The following TRIM54 variants were observed in gnomAD, a reference collection of about 807,000 sequenced individuals.
The protein encoded by TRIM54 is tripartite motif-containing protein 54.
A neutral mutation model predicts 42.0 loss-of-function variants in TRIM54; 40 were observed. That is an observed-to-expected ratio of 0.95 (90% CI 0.74 to 1.24). TRIM54 has a LOEUF of 1.24. Among genes scored for constraint, TRIM54 ranks in the 50% most tolerant of loss-of-function variants. The pLI, the probability that TRIM54 is intolerant of heterozygous loss-of-function variation, is 0.00. For missense variants in TRIM54, 485 were observed against 480.3 expected (o/e 1.01, Z -0.09); for synonymous variants, 199 against 194.9 (o/e 1.02, Z -0.17).
intron 2 of TRIM54, 22 bp downstream of exon 2, chr2:27,298,761 CCT>C (rs1558587423): frequency 6.2e-7 from 1 of 1,610,736 alleles, no homozygotes; most frequent in South Asian, 1.1e-5. Context: ...GAGTCTCTTG[CCT>C]CTCTCATGAC....
At chr2:27,297,914 G>A (rs1243225767) in intron 1 of TRIM54, among the ~76,000 whole-genome samples, 5 of 150,198 alleles carry the variant, frequency 3.3e-5, no homozygotes, top group Admixed American at 6.6e-5. Context: ...CCAGGAGGTC[G>A]AGGCTGCGGT....
At chr2:27,298,880 A>G in intron 2 of TRIM54, 141 bp downstream of exon 2, 1 of 956,408 alleles carries the variant, frequency 1.0e-6, no homozygotes, top group Non-Finnish European at 1.5e-6. Context: ...CCGGAGAGGG[A>G]CTTGCCTCAG....
Position 27,291,190 on chromosome 2 carries a change from C to A in TRIM54, c.169-7377C>A, listed in dbSNP as rs561762814. 3.9e-4 allele frequency among the ~76,000 whole-genome samples: 59 copies of A among 152,160 alleles called. 1 individual carries two copies. The highest frequency in any genetic ancestry group is 1.3e-3 in the African/African-American group (55 of 41,508). Reference sequence around the variant, plus strand: ...CCAACATGGTGAAACCCTGTCTCTACTAAAATATAAAGAAATTAGCTGGGC... The same window carrying A: ...CCAACATGGTGAAACCCTGTCTCTAATAAAATATAAAGAAATTAGCTGGGC... On this transcript the variant is annotated intron_variant, in intron 1 of 8. Transcript: ENST00000380075.
chr2:27,287,764 A>G (rs1678616859), intron 1 of TRIM54, among the ~76,000 whole-genome samples: 1 of 152,350 alleles, frequency 6.6e-6, no homozygotes, highest in African/African-American at 2.4e-5. Flanking sequence ...CCTGGCCTCA[A>G]GCGATCCTCT....
At position 27,306,875 on chromosome 2, in the gene TRIM54, T is replaced by G; in HGVS notation, c.*2-12T>G. 1 of 421,518 alleles carries G rather than the reference T, an allele frequency of 2.4e-6. No individual in the cohort carries two copies. 26.1% of individuals were successfully genotyped at this position (421,518 alleles called of 1,614,324 possible). On this transcript the variant is annotated splice_polypyrimidine_tract_variant and intron_variant, in intron 8 of 8. Transcript: ENST00000380075. The surrounding 1 kb of genome is among the most constrained non-coding windows in gnomAD (Gnocchi z 6.1). Reference sequence around the variant, plus strand: ...CAGCACCCGCCCACCGAGCCTTCTTTCCCGGGCACAGGCCTGCGCCGACCC... The same window carrying G: ...CAGCACCCGCCCACCGAGCCTTCTTGCCCGGGCACAGGCCTGCGCCGACCC...
intron 1 of TRIM54, among the ~76,000 whole-genome samples, chr2:27,291,477 T>C (rs888976363): frequency 2.6e-5 from 4 of 152,226 alleles, no homozygotes; most frequent in African/African-American, 7.2e-5. Flanking sequence ...TTTCCTAATA[T>C]GCATTAGAAT....
intron 1 of TRIM54, among the ~76,000 whole-genome samples, chr2:27,288,525 A>G (rs1316969580): frequency 6.6e-6 from 1 of 152,186 alleles, no homozygotes; most frequent in Non-Finnish European, 1.5e-5. Flanking sequence ...AATTCCATTT[A>G]TTTGTTCCAT....
chr2:27,298,716 C>CA lies in TRIM54; in HGVS notation c.319dup (p.Ile107AsnfsTer15), dbSNP rs767826401. ...ACCTGCTAGTGGAGAACATTATCGA[C>CA]ATTTACAAGCAGGAGTCATCCAGGT... On this transcript the variant is annotated frameshift_variant, in exon 2 of 9. Transcript: ENST00000380075. LOFTEE classifies it high-confidence loss of function. 1.2e-6 allele frequency: 2 copies of CA among 1,614,100 alleles called. No individual in the cohort carries two copies. Among genetic ancestry groups the CA allele is most frequent in the Non-Finnish European group, 8.5e-7 (1 of 1,179,974 alleles).
chr2:27,298,778 C>T (rs1411093556), intron 2 of TRIM54, 39 bp downstream of exon 2: 2 of 1,602,090 alleles, frequency 1.2e-6, no homozygotes, highest in East Asian at 4.5e-5. Flanking sequence ...CATGACAGGG[C>T]TTGGGACACA....
intron 1 of TRIM54, among the ~76,000 whole-genome samples, chr2:27,283,271 G>A (rs79559621): frequency 1.3e-5 from 2 of 152,182 alleles, no homozygotes; most frequent in African/African-American, 2.4e-5. Context: ...TGGAAAATAC[G>A]GAGAAAAGAT....
chr2:27,305,922 A>G (rs1038860637), intron 5 of TRIM54, 105 bp downstream of exon 5: 4 of 1,363,310 alleles, frequency 2.9e-6, no homozygotes, highest in Non-Finnish European at 4.0e-6. Context: ...GCTTGCCCCT[A>G]CGACCTTGGG....
chr2:27,283,778 A>ACGCG (rs796470453), intron 1 of TRIM54, among the ~76,000 whole-genome samples: 2 of 102,278 alleles, frequency 2.0e-5, no homozygotes, highest in East Asian at 3.0e-4. Context: ...ACACACACAC[A>ACGCG]CGCGCGCACA....
chr2:27,283,763 G>GGCACACACGCGCGCGCGC (rs1302528330), intron 1 of TRIM54, among the ~76,000 whole-genome samples: 1 of 103,782 alleles, frequency 9.6e-6, no homozygotes. Context: ...GAGGGGCAAA[G>GGCACACACGCGCGCGCGC]GCACACACAC....
intron 1 of TRIM54, among the ~76,000 whole-genome samples, chr2:27,295,295 A>G (rs958585552): frequency 6.6e-6 from 1 of 151,984 alleles, no homozygotes; most frequent in Non-Finnish European, 1.5e-5. Context: ...TGCTTGACAC[A>G]TGATAAGCCC....
At chr2:27,282,922 G>A (rs1427225559) in intron 1 of TRIM54, 23 bp downstream of exon 1, 5 of 1,596,740 alleles carry the variant, frequency 3.1e-6, no homozygotes, top group Admixed American at 3.4e-5. Flanking sequence ...GACGGGGCAG[G>A]GCCAGGTAAA....
chr2:27,306,682 CA>C lies in TRIM54; in HGVS notation c.*1+142del, dbSNP rs1014583142. ...GGAGCCCCCACTCCTCGGTGCAACC[CA>C]ACCCCGGAGCCACAAAGGCGCGCCC... On this transcript the variant is annotated intron_variant, in intron 8 of 8. Transcript: ENST00000380075. The surrounding 1 kb of genome is among the most constrained non-coding windows in gnomAD (Gnocchi z 6.1). 1.5e-5 allele frequency: 14 copies of C among 936,610 alleles called. No individual in the cohort carries two copies. The highest frequency in any genetic ancestry group is 2.2e-5 in the Non-Finnish European group (14 of 636,256). The allele number at this position is 936,610 out of a possible 1,614,324, so 58.0% of individuals were successfully genotyped here.
chr2:27,301,567 G>A (rs1680013319), intron 3 of TRIM54, among the ~76,000 whole-genome samples: 1 of 152,170 alleles, frequency 6.6e-6, no homozygotes, highest in South Asian at 2.1e-4. Flanking sequence ...AACTGTCATG[G>A]AGCTAATGGG....
At chr2:27,301,133 C>G (rs1679023119) in intron 3 of TRIM54, among the ~76,000 whole-genome samples, 3 of 148,100 alleles carry the variant, frequency 2.0e-5, no homozygotes, top group Admixed American at 1.3e-4. Context: ...GCTGGTTGCC[C>G]TCTTTTTTTT....
rs762233965 is a variant in TRIM54 at position 27,305,622 on chromosome 2, G to A, written c.648G>A (p.Arg216=). 2 of 1,613,824 alleles carry A rather than the reference G, an allele frequency of 1.2e-6. No individual in the cohort carries two copies. Among genetic ancestry groups the A allele is most frequent in the Non-Finnish European group, 1.7e-6 (2 of 1,179,940 alleles). The change falls in exon 5 of 9, where the codon AGG becomes AGA. Residue 216 remains arginine, a synonymous_variant. Coordinates refer to ENST00000380075, the MANE Select transcript of TRIM54 (RefSeq NM_187841.3). The part of the protein sequence containing the change: ...SRRQKQLLNQ[R]FESLCAVLEE... ...GGCAGAAGCAGTTGTTAAACCAGAG[G>A]TTTGAGAGCCTGTGCGCAGTGCTGG...
Sources: gnomAD v4.1 joint callset for allele counts (sites outside exome capture counted in the v4.1 genomes callset) on GRCh38, gnomAD v4.1.1 for gene constraint, Gnocchi (gnomAD v3.1) non-coding constraint, MANE v1.5 for transcripts, NCBI Gene and HGNC (gene_info 2026-07-23, HGNC 2026-07-21) for gene names.